The following CMTM8 variants were observed in gnomAD, a reference collection of about 807,000 sequenced individuals.
CMTM8 encodes CKLF-like MARVEL transmembrane domain-containing protein 8.
CMTM8 carries 12 observed loss-of-function variants against 18.6 expected under a neutral mutation model. The ratio of observed to expected loss-of-function variants is 0.65; its 90% CI spans 0.41 to 1.05. The LOEUF (loss-of-function observed/expected upper bound fraction) is 1.05. Ranked by LOEUF, CMTM8 falls within the 50% of genes least tolerant of loss-of-function variation. The pLI, the probability that CMTM8 is intolerant of heterozygous loss-of-function variation, is 0.00. For missense variants in CMTM8, 217 were observed against 227.2 expected (o/e 0.95, Z 0.29); for synonymous variants, 87 against 90.6 (o/e 0.96, Z 0.23).
At chr3:32,303,148 G>A (rs187913670) in intron 1 of CMTM8, among the ~76,000 whole-genome samples, 1 of 152,304 alleles carries the variant, frequency 6.6e-6, no homozygotes. Flanking sequence ...TTGCAAATAA[G>A]TAAGGTTTTT....
chr3:32,365,790 G>A lies in CMTM8; in HGVS notation c.322-2082G>A, dbSNP rs568783022. ...ATTGTCCTTGTAGCTCTCTTTCACT[G>A]TGGCCCAGGGAACTGGCATTTCAGT... On this transcript the variant is annotated intron_variant, in intron 2 of 3. Transcript: ENST00000307526. 1.6e-3 allele frequency among the ~76,000 whole-genome samples: 251 copies of A among 152,202 alleles called. 1 individual carries two copies. Among genetic ancestry groups the A allele is most frequent in the African/African-American group, 5.8e-3 (239 of 41,520 alleles).
At chr3:32,359,546 C>A (rs533908509) in intron 2 of CMTM8, among the ~76,000 whole-genome samples, 2 of 152,088 alleles carry the variant, frequency 1.3e-5, no homozygotes, top group African/African-American at 2.4e-5. Context: ...GCTGAGATCA[C>A]GCCACTGCAC....
Position 32,260,320 on chromosome 3 carries a change from A to G in CMTM8, c.147+21201A>G. 1.2e-5 allele frequency: 8 copies of G among 644,608 alleles called. No homozygotes were observed. The South Asian group carries it at 1.5e-4, about 12-fold the overall frequency. The allele number at this position is 644,608 out of a possible 1,614,324, so 39.9% of individuals were successfully genotyped here. A position where few individuals can be genotyped will look rare whatever the true frequency, so the allele number is the denominator to read the frequency against. ...AAAAAAAAGTATTATCTCGCTAACAAAGCTAAATATAATGAACTATACGTT... is the reference window on the plus strand; with the variant it reads ...AAAAAAAAGTATTATCTCGCTAACAGAGCTAAATATAATGAACTATACGTT... On this transcript the variant is annotated intron_variant, in intron 1 of 3. Transcript: ENST00000307526.
At chr3:32,238,485 G>A (rs1701897169), upstream of CMTM8, 1 of 152,472 alleles carries the variant, frequency 6.6e-6, no homozygotes. Context: ...CGGCCAGAAG[G>A]ACCCCTGCGC....
At chr3:32,341,995 C>A (rs374716353) in intron 1 of CMTM8, among the ~76,000 whole-genome samples, 1 of 152,074 alleles carries the variant, frequency 6.6e-6, no homozygotes, top group African/African-American at 2.4e-5. Context: ...CGCCTGTAAT[C>A]CCAGCACTTT....
chr3:32,252,743 A>G (rs1702128817), intron 1 of CMTM8, among the ~76,000 whole-genome samples: 1 of 152,198 alleles, frequency 6.6e-6, no homozygotes, highest in South Asian at 2.1e-4. Context: ...CTTTTTGAAT[A>G]TGGGTGGTTT....
intron 1 of CMTM8, among the ~76,000 whole-genome samples, chr3:32,256,023 C>T (rs1401958151): frequency 6.6e-6 from 1 of 152,042 alleles, no homozygotes; most frequent in Non-Finnish European, 1.5e-5. Flanking sequence ...CCACCGTGCC[C>T]AGCCAAGAAA....
chr3:32,250,067 G>GT (rs1306786145), intron 1 of CMTM8, among the ~76,000 whole-genome samples: 1 of 152,010 alleles, frequency 6.6e-6, no homozygotes, highest in Non-Finnish European at 1.5e-5. Context: ...GTGAGGGAAG[G>GT]GTTTAACCTC....
chr3:32,253,506 G>A (rs750942484), intron 1 of CMTM8, among the ~76,000 whole-genome samples: 5 of 151,204 alleles, frequency 3.3e-5, no homozygotes, highest in South Asian at 2.1e-4. Flanking sequence ...CATCATGCCC[G>A]GCTAATTATT....
chr3:32,362,670 G>C (rs1696958653), intron 2 of CMTM8, among the ~76,000 whole-genome samples: 1 of 152,188 alleles, frequency 6.6e-6, no homozygotes, highest in Admixed American at 6.5e-5. Flanking sequence ...GTTGGGTCTT[G>C]GCAGTCTTTT....
chr3:32,271,659 T>C (rs1344851961), intron 1 of CMTM8, among the ~76,000 whole-genome samples: 2 of 152,234 alleles, frequency 1.3e-5, no homozygotes, highest in Non-Finnish European at 2.9e-5. Flanking sequence ...TGGCCTCCTG[T>C]ATTGCCATCT....
intron 1 of CMTM8, among the ~76,000 whole-genome samples, chr3:32,299,246 A>T (rs1313690348): frequency 1.3e-5 from 2 of 151,984 alleles, no homozygotes; most frequent in Non-Finnish European, 2.9e-5. Context: ...TCTTCCTTCT[A>T]CTCCTTCCTT....
intron 2 of CMTM8, among the ~76,000 whole-genome samples, chr3:32,365,932 C>T (rs1051980403): frequency 6.6e-6 from 1 of 152,044 alleles, no homozygotes; most frequent in African/African-American, 2.4e-5. Context: ...CCCTCTGAAG[C>T]TTCACATATC....
chr3:32,328,852 C>A (rs954971888), intron 1 of CMTM8, among the ~76,000 whole-genome samples: 3 of 151,988 alleles, frequency 2.0e-5, no homozygotes, highest in Non-Finnish European at 4.4e-5. Flanking sequence ...AACTTCCCAA[C>A]AAAGAAAAGC....
rs11917817 is a variant in CMTM8 at position 32,344,692 on chromosome 3, C to T, written c.148-12681C>T. On this transcript the variant is annotated intron_variant, in intron 1 of 3. Coordinates refer to ENST00000307526, the MANE Select transcript of CMTM8 (RefSeq NM_178868.5). Reference sequence around the variant, plus strand: ...GTAGGATCACTTGAGTCTAGGAGTTCGAAGTCAGCCCGGGCAACATAGTGA... The same window carrying T: ...GTAGGATCACTTGAGTCTAGGAGTTTGAAGTCAGCCCGGGCAACATAGTGA... Among the ~76,000 whole-genome samples, 1,299 of 152,154 alleles carry T rather than the reference C, an allele frequency of 8.5e-3. 20 individuals carry two copies. Among genetic ancestry groups the T allele is most frequent in the African/African-American group, 0.03 (1,229 of 41,496 alleles).
chr3:32,334,538 A>G (rs1415180090), intron 1 of CMTM8, among the ~76,000 whole-genome samples: 2 of 151,820 alleles, frequency 1.3e-5, no homozygotes, highest in East Asian at 2.0e-4. Flanking sequence ...CCCAGGAGGC[A>G]GAGCTTGTAG....
At chr3:32,264,923 C>T (rs1378797335) in intron 1 of CMTM8, among the ~76,000 whole-genome samples, 1 of 152,124 alleles carries the variant, frequency 6.6e-6, no homozygotes, top group African/African-American at 2.4e-5. Flanking sequence ...TATATATGCA[C>T]CCAATACAGG....
At chr3:32,246,507 C>G (rs551840809) in intron 1 of CMTM8, among the ~76,000 whole-genome samples, 23 of 152,230 alleles carry the variant, frequency 1.5e-4, no homozygotes, top group South Asian at 2.1e-4. Flanking sequence ...TTTTCCTGTA[C>G]CCTGCTTTAT....
chr3:32,260,074 C>A, intron 1 of CMTM8: 1 of 1,075,024 alleles, frequency 9.3e-7, no homozygotes, highest in Non-Finnish European at 1.4e-6. Flanking sequence ...AGATCGCCAG[C>A]TACCATCGCC....
Sources: allele counts gnomAD v4.1 joint callset (sites outside exome capture counted in the v4.1 genomes callset), GRCh38; gene constraint gnomAD v4.1.1; transcripts MANE v1.5; gene names NCBI Gene and HGNC (gene_info 2026-07-23, HGNC 2026-07-21).